The following PIAS2 variants were observed in gnomAD, a reference collection of about 807,000 sequenced individuals.
PIAS2 encodes protein inhibitor of activated STAT 2, also known as E3 SUMO-protein ligase PIAS2.
In PIAS2, 19 loss-of-function variants were observed where a neutral mutation model predicts 69.7. The ratio of observed to expected loss-of-function variants is 0.27; its 90% confidence interval spans 0.19 to 0.40. PIAS2 has a LOEUF of 0.40. Ranked by LOEUF, PIAS2 falls within the 10% of genes least tolerant of loss-of-function variation. The pLI, the probability that PIAS2 is intolerant of heterozygous loss-of-function variation, is 1.00. For synonymous variants in PIAS2, 261 were observed against 263.2 expected, an observed-to-expected ratio of 0.99 and a Z score of 0.08; for missense variants, 624 against 757.0, an observed-to-expected ratio of 0.82 and a Z score of 2.06.
At chr18:46,840,621 T>A (rs1014585552) in intron 8 of PIAS2, among the ~76,000 whole-genome samples, 1 of 152,174 alleles carries the variant, frequency 6.6e-6, no homozygotes, top group Non-Finnish European at 1.5e-5. Context: ...TAAATTTAAT[T>A]CTACTCTAGT....
At chr18:46,875,498 T>C (rs1486676545) in intron 2 of PIAS2, among the ~76,000 whole-genome samples, 1 of 152,130 alleles carries the variant, frequency 6.6e-6, no homozygotes, top group South Asian at 2.1e-4. Context: ...GAGCAGATGT[T>C]ATAGGACGGG....
Position 46,825,821 on chromosome 18 carries a change from C to G in PIAS2, c.1508+2138G>C, listed in dbSNP as rs1424044661. Among the ~76,000 whole-genome samples the G allele has an allele frequency of 2.0e-5, 3 of 152,214 alleles. No individual in the cohort carries two copies. In the East Asian group the frequency reaches 5.8e-4, roughly 29 times the overall value. On this transcript the variant is annotated intron_variant, in intron 11 of 13. Coordinates refer to ENST00000585916, the MANE Select transcript of PIAS2 (RefSeq NM_004671.5). ...ATTAATTTACTGAAGGCCTTTCCAA[C>G]ATCCATGAAGATGACTACAAAGTTG...
At chr18:46,858,125 G>C (rs549385605) in intron 3 of PIAS2, among the ~76,000 whole-genome samples, 2 of 152,012 alleles carry the variant, frequency 1.3e-5, no homozygotes, top group African/African-American at 2.4e-5. Context: ...GGCGGCAAAG[G>C]TGCAAAGATG....
At chr18:46,887,266 A>G (rs1215425551) in intron 2 of PIAS2, among the ~76,000 whole-genome samples, 1 of 152,032 alleles carries the variant, frequency 6.6e-6, no homozygotes, top group Non-Finnish European at 1.5e-5. Flanking sequence ...ATTGAAAAAA[A>G]AAAAAAAATA....
At chr18:46,874,944 A>T (rs1489912484) in intron 2 of PIAS2, among the ~76,000 whole-genome samples, 2 of 152,082 alleles carry the variant, frequency 1.3e-5, no homozygotes, top group Non-Finnish European at 2.9e-5. Flanking sequence ...CCAAAAGGGG[A>T]TGGACAGACC....
intron 11 of PIAS2, among the ~76,000 whole-genome samples, chr18:46,822,398 G>A (rs970337546): frequency 6.6e-6 from 1 of 152,102 alleles, no homozygotes; most frequent in Admixed American, 6.6e-5. Context: ...CATAAGCCTG[G>A]TATTTGAAAA....
chr18:46,915,258 T>C (rs1263343417), intron 1 of PIAS2: 1 of 152,188 alleles, frequency 6.6e-6, no homozygotes, highest in Non-Finnish European at 1.5e-5. Flanking sequence ...AAAAAATGCT[T>C]AGACCAGAAC....
chr18:46,890,926 A>G lies in PIAS2; in HGVS notation c.153T>C (p.Pro51=), dbSNP rs779619080. The stretch of plus-strand genomic sequence containing the variant: ...ATTCTCGGATTTTAATCTGAACCGC[A>G]GGGCTGCAGCCGCTCTTCAATAAAT... ...ALHLLKSGCS[P]AVQIKIRELY... is the part of the protein sequence containing the mutation. Residue 51 remains proline (P), a synonymous_variant, in exon 2 of 14, where the codon CCT becomes CCC. Transcript: ENST00000585916. The G allele has an allele frequency of 6.2e-7, 1 of 1,614,162 alleles. No individual in the cohort carries two copies. The highest frequency in any genetic ancestry group is 8.5e-7 in the Non-Finnish European group (1 of 1,180,010).
At chr18:46,906,469 A>G (rs956307304) in intron 1 of PIAS2, among the ~76,000 whole-genome samples, 1 of 152,236 alleles carries the variant, frequency 6.6e-6, no homozygotes, top group Non-Finnish European at 1.5e-5. Context: ...TTAGGAGTAT[A>G]GCAAGGTTAT....
intron 3 of PIAS2, among the ~76,000 whole-genome samples, chr18:46,862,505 G>A (rs1352899957): frequency 3.3e-5 from 5 of 151,768 alleles, no homozygotes. Context: ...TAACATTACA[G>A]CCCCCCAAAA....
At chr18:46,832,730 A>C (rs1442653520) in intron 9 of PIAS2, among the ~76,000 whole-genome samples, 1 of 151,804 alleles carries the variant, frequency 6.6e-6, no homozygotes, top group Non-Finnish European at 1.5e-5. Context: ...ATCTCTACTA[A>C]AGACACAAAA....
At chr18:46,883,126 G>A (rs1291878822) in intron 2 of PIAS2, among the ~76,000 whole-genome samples, 1 of 151,368 alleles carries the variant, frequency 6.6e-6, no homozygotes, top group Non-Finnish European at 1.5e-5. Context: ...CAAAAAGAGA[G>A]AAGAGAAAAA....
At chr18:46,899,815 G>C (rs990236628) in intron 1 of PIAS2, among the ~76,000 whole-genome samples, 1 of 151,198 alleles carries the variant, frequency 6.6e-6, no homozygotes, top group African/African-American at 2.5e-5. Context: ...ATGTGGGGAG[G>C]GAGGTAGTCA....
chr18:46,885,430 A>C (rs970567044), intron 2 of PIAS2, among the ~76,000 whole-genome samples: 1 of 151,888 alleles, frequency 6.6e-6, no homozygotes, highest in African/African-American at 2.4e-5. Flanking sequence ...TGAGGCAAGG[A>C]GAATTGCTTG....
At chr18:46,845,609 A>G (rs2046050830) in intron 6 of PIAS2, among the ~76,000 whole-genome samples, 3 of 152,022 alleles carry the variant, frequency 2.0e-5, no homozygotes, top group African/African-American at 4.8e-5. Flanking sequence ...TGAACAGACA[A>G]AATATAATTT....
At chr18:46,855,950 T>C (rs979933874) in intron 3 of PIAS2, among the ~76,000 whole-genome samples, 1 of 151,900 alleles carries the variant, frequency 6.6e-6, no homozygotes, top group African/African-American at 2.4e-5. Flanking sequence ...GCAAATCTAT[T>C]TGCTTAGAGC....
intron 5 of PIAS2, among the ~76,000 whole-genome samples, chr18:46,851,700 T>C (rs1195773017): frequency 1.3e-5 from 2 of 152,246 alleles, no homozygotes; most frequent in Admixed American, 1.3e-4. Context: ...AAAGCACATA[T>C]GCTGCTTGCA....
intron 1 of PIAS2, among the ~76,000 whole-genome samples, chr18:46,911,375 C>T (rs543901302): frequency 2.2e-4 from 33 of 152,008 alleles, no homozygotes; most frequent in Non-Finnish European, 3.8e-4. Context: ...ACCACCACGT[C>T]GGGCTAATTT....
Position 46,804,939 on chromosome 18 carries a change from T to G in PIAS2, c.*7494A>C, listed in dbSNP as rs2040618988. 1 of 152,282 alleles carries G rather than the reference T, an allele frequency of 6.6e-6. No homozygotes were observed. Among genetic ancestry groups the G allele is most frequent in the Non-Finnish European group, 1.5e-5 (1 of 68,088 alleles). 9.4% of individuals were successfully genotyped at this position (152,282 alleles called of 1,614,324 possible). On this transcript the variant is annotated 3_prime_UTR_variant, in exon 14 of 14. Transcript: ENST00000585916. ...ACATGGAGATAAGAGAGGGGAAGTC[T>G]GACAGAGGAAGGTCCTGAAGATGAC...
Sources: gnomAD v4.1 joint callset for allele counts (sites outside exome capture counted in the v4.1 genomes callset) on GRCh38, gnomAD v4.1.1 for gene constraint, MANE v1.5 for transcripts, NCBI Gene and HGNC (gene_info 2026-07-23, HGNC 2026-07-21) for gene names.